Variants in MAP4K5 observed in about 807,000 individuals in gnomAD.
MAP4K5 encodes the protein MAPK/ERK kinase kinase kinase 5.
Under a neutral mutation model 135.6 loss-of-function variants are expected in MAP4K5, and 82 were observed. That is an observed-to-expected ratio of 0.60 (90% CI 0.51 to 0.73). MAP4K5 has a LOEUF of 0.73. Among genes scored for constraint, MAP4K5 ranks in the 30% least tolerant of loss-of-function variants. The pLI is 0.00. For missense variants in MAP4K5, 907 were observed against 1,010.9 expected (o/e 0.90, Z 1.39); for synonymous variants, 347 against 335.0 (o/e 1.04, Z -0.39).
At chr14:50,471,545 TCAAAAACATAA>T (rs990211743) in intron 9 of MAP4K5, among the ~76,000 whole-genome samples, 2 of 152,022 alleles carry the variant, frequency 1.3e-5, no homozygotes, top group African/African-American at 4.8e-5. Context: ...GCAGTTCTTT[TCAAAAACATAA>T]CTAACAGTGG....
intron 5 of MAP4K5, among the ~76,000 whole-genome samples, chr14:50,483,958 G>T (rs1217389663): frequency 6.6e-6 from 1 of 151,864 alleles, no homozygotes; most frequent in Admixed American, 6.6e-5. Context: ...CCTCCTGGGT[G>T]CAAGTGATTC....
At chr14:50,465,758 T>C (rs563361051) in intron 11 of MAP4K5, among the ~76,000 whole-genome samples, 19 of 152,226 alleles carry the variant, frequency 1.2e-4, no homozygotes, top group Admixed American at 4.6e-4. Flanking sequence ...AAGAAAATTA[T>C]TGAGTTTTAT....
intron 1 of MAP4K5, among the ~76,000 whole-genome samples, chr14:50,553,789 A>G (rs1042680103): frequency 5.9e-5 from 9 of 152,208 alleles, no homozygotes; most frequent in African/African-American, 1.9e-4. Context: ...GAACAAAATA[A>G]TGGCCTTTGC....
intron 3 of MAP4K5, among the ~76,000 whole-genome samples, chr14:50,499,527 A>G (rs2139996993): frequency 6.6e-6 from 1 of 152,130 alleles, no homozygotes; most frequent in South Asian, 2.1e-4. Flanking sequence ...GTGTGGTGGC[A>G]CATGCCTGTA....
At chr14:50,477,936 T>C (rs777732919) in intron 6 of MAP4K5, among the ~76,000 whole-genome samples, 31 of 152,308 alleles carry the variant, frequency 2.0e-4, no homozygotes, top group Non-Finnish European at 3.7e-4. Context: ...GTAAGATTGT[T>C]GTCTAATTTT....
At chr14:50,509,529 A>G (rs2037886531) in intron 2 of MAP4K5, among the ~76,000 whole-genome samples, 1 of 152,192 alleles carries the variant, frequency 6.6e-6, no homozygotes, top group Admixed American at 6.5e-5. Context: ...GTGAACTATT[A>G]CACATTTAAT....
At chr14:50,497,876 C>G (rs1302352868) in intron 3 of MAP4K5, among the ~76,000 whole-genome samples, 1 of 151,850 alleles carries the variant, frequency 6.6e-6, no homozygotes, top group African/African-American at 2.4e-5. Context: ...CATTAATCAT[C>G]CTGGGTAGTG....
chr14:50,480,692 T>C (rs1373834161), intron 6 of MAP4K5, among the ~76,000 whole-genome samples: 2 of 152,186 alleles, frequency 1.3e-5, no homozygotes, highest in Non-Finnish European at 2.9e-5. Flanking sequence ...AGAAATGCAT[T>C]GTTAGGCAAT....
chr14:50,428,625 G>T, intron 30 of MAP4K5, 37 bp downstream of exon 30: 1 of 1,096,044 alleles, frequency 9.1e-7, no homozygotes, highest in Non-Finnish European at 1.3e-6. Context: ...TAATCATTAA[G>T]TATCGCAAAC....
intron 11 of MAP4K5, 63 bp downstream of exon 11, chr14:50,466,520 G>A (rs2036838391): frequency 2.5e-6 from 2 of 788,448 alleles, no homozygotes; most frequent in South Asian, 3.6e-5. Flanking sequence ...GCAAAATATG[G>A]GAACTGAATC....
chr14:50,421,447 G>A (rs2035730066), intron 32 of MAP4K5, among the ~76,000 whole-genome samples: 1 of 151,348 alleles, frequency 6.6e-6, no homozygotes, highest in Non-Finnish European at 1.5e-5. Flanking sequence ...TTTTTAGCAG[G>A]GACAGGGTTT....
chr14:50,512,344 G>GGTAT, intron 2 of MAP4K5, among the ~76,000 whole-genome samples: 1 of 152,056 alleles, frequency 6.6e-6, no homozygotes, highest in East Asian at 1.9e-4. Flanking sequence ...AGAAAAGGAA[G>GGTAT]GATACCTTGA....
At chr14:50,455,398 A>C (rs1291191732) in intron 14 of MAP4K5, among the ~76,000 whole-genome samples, 1 of 152,038 alleles carries the variant, frequency 6.6e-6, no homozygotes, top group African/African-American at 2.4e-5. Flanking sequence ...AAAGAATATG[A>C]TGTTACAATG....
intron 2 of MAP4K5, among the ~76,000 whole-genome samples, chr14:50,521,592 T>G (rs2038153365): frequency 6.6e-6 from 1 of 152,212 alleles, no homozygotes; most frequent in African/African-American, 2.4e-5. Context: ...ACACTGATCA[T>G]GAGAGTGTTA....
intron 2 of MAP4K5, among the ~76,000 whole-genome samples, chr14:50,506,299 G>T (rs79853850): frequency 0.012 from 1,850 of 152,112 alleles, 18 homozygotes; most frequent in South Asian, 0.024. Context: ...ATAGAATGGG[G>T]GAGAGATATA....
At chr14:50,549,209 G>T (rs2038671913) in intron 1 of MAP4K5, among the ~76,000 whole-genome samples, 1 of 152,242 alleles carries the variant, frequency 6.6e-6, no homozygotes, top group East Asian at 1.9e-4. Context: ...ACATTGATGG[G>T]TCTAGCAAAG....
At chr14:50,551,948 G>C (rs2038707560) in intron 1 of MAP4K5, among the ~76,000 whole-genome samples, 1 of 152,062 alleles carries the variant, frequency 6.6e-6, no homozygotes. Flanking sequence ...CAGAGAACTA[G>C]AACAAGACAA....
At chr14:50,529,541 A>T (rs955437513) in intron 2 of MAP4K5, among the ~76,000 whole-genome samples, 1 of 152,164 alleles carries the variant, frequency 6.6e-6, no homozygotes, top group African/African-American at 2.4e-5. Context: ...GGAAGTACTT[A>T]CTCTGTGGCA....
In MAP4K5 at chr14:50,419,308, T is replaced by G. The variant is rs139294290; in HGVS notation, c.*711A>C. 6.6e-6 allele frequency: 1 copy of G among 152,176 alleles called. No individual in the cohort carries two copies. The highest frequency in any genetic ancestry group is 1.5e-5 in the Non-Finnish European group (1 of 67,994). The allele number at this position is 152,176 out of a possible 1,614,324, so 9.4% of individuals were successfully genotyped here. On this transcript the variant is annotated 3_prime_UTR_variant, in exon 33 of 33. Coordinates refer to ENST00000682126, the MANE Select transcript of MAP4K5 (RefSeq NM_006575.6). ...TCTTCTGTATGATCCCTTACAACTA[T>G]CTGTAGTTGAAAACATAAGACTCCC...
Sources: allele counts gnomAD v4.1 joint callset (sites outside exome capture counted in the v4.1 genomes callset), GRCh38; gene constraint gnomAD v4.1.1; transcripts MANE v1.5; gene names NCBI Gene and HGNC (gene_info 2026-07-23, HGNC 2026-07-21).